CDH1: variants seen among roughly 807,000 people sequenced by gnomAD.
CDH1 encodes cadherin-1.
CDH1 carries 35 observed loss-of-function variants against 84.5 expected under a neutral mutation model. The ratio of observed to expected loss-of-function variants is 0.41; its 90% confidence interval spans 0.32 to 0.55. The LOEUF (loss-of-function observed/expected upper bound fraction) is 0.55, where lower values mean the gene tolerates loss of function less well. CDH1 is among the 20% of genes least tolerant of loss of function. The pLI, the probability that CDH1 is intolerant of heterozygous loss-of-function variation, is 0.19. For synonymous variants in CDH1, 417 were observed against 439.0 expected, an observed-to-expected ratio of 0.95 and a Z score of 0.63; for missense variants, 994 against 1,126.6, an observed-to-expected ratio of 0.88 and a Z score of 1.68.
At chr16:68,827,628 T>A (rs2152141079) in intron 13 of CDH1, among the ~76,000 whole-genome samples, 1 of 152,276 alleles carries the variant, frequency 6.6e-6, no homozygotes, top group East Asian at 1.9e-4. Flanking sequence ...CATAGCTGGT[T>A]ATGTATCAAT....
chr16:68,737,506 C>CA, intron 1 of CDH1, 43 bp downstream of exon 1: 1 of 1,498,976 alleles, frequency 6.7e-7, no homozygotes, highest in Middle Eastern at 2.3e-4. Context: ...ATTCGGGCCG[C>CA]AAGCTCCGCG....
chr16:68,751,952 A>ATT lies in CDH1; in HGVS notation c.163+13556_163+13557dup, dbSNP rs34163550. On this transcript the variant is annotated intron_variant, in intron 2 of 15. Transcript: ENST00000261769. ...ACCTGGCTAATTTTTGTATTTTTGT[A>ATT]TTTTTTTTTTTTTTTTGAGATGGAG... is the stretch of plus-strand genomic sequence containing the variant. Among the ~76,000 whole-genome samples, 14 of 125,738 alleles carry ATT rather than the reference A, an allele frequency of 1.1e-4. 1 individual carries two copies. Among genetic ancestry groups the ATT allele is most frequent in the African/African-American group, 3.9e-4 (13 of 33,006 alleles). The allele number at this position is 125,738 out of a possible 152,430, so 82.5% of individuals were successfully genotyped here. A position where few individuals can be genotyped will look rare whatever the true frequency, so the allele number is the denominator to read the frequency against.
intron 13 of CDH1, among the ~76,000 whole-genome samples, chr16:68,826,327 A>C (rs1961321790): frequency 6.6e-6 from 1 of 150,766 alleles, no homozygotes; most frequent in African/African-American, 2.4e-5. Flanking sequence ...TTCTTTCTTT[A>C]TTAGAGATGG....
chr16:68,816,294 G>A (rs1460467356), intron 10 of CDH1, among the ~76,000 whole-genome samples: 1 of 152,128 alleles, frequency 6.6e-6, no homozygotes, highest in Non-Finnish European at 1.5e-5. Context: ...TTACAGGCGT[G>A]AGCCACCGCA....
At chr16:68,767,018 C>T (rs1015219238) in intron 2 of CDH1, among the ~76,000 whole-genome samples, 1 of 151,788 alleles carries the variant, frequency 6.6e-6, no homozygotes, top group South Asian at 2.1e-4. Flanking sequence ...TGAGCCACTG[C>T]GCCCCGCCTA....
intron 2 of CDH1, among the ~76,000 whole-genome samples, chr16:68,784,514 G>A (rs1009661941): frequency 2.6e-5 from 4 of 151,940 alleles, no homozygotes; most frequent in African/African-American, 9.7e-5. Context: ...CCCTCCCTCT[G>A]GTCTCCTGCA....
Position 68,831,237 on chromosome 16 carries a change from C to T in CDH1, c.2439+1440C>T, listed in dbSNP as rs999255346. On this transcript the variant is annotated intron_variant, in intron 15 of 15. Transcript: ENST00000261769. ...GTGCCTACAGGCACCTGCCATCAAGCCTGGCTTTTTTTTTTTTTTTTAATT... is the reference window on the plus strand; with the variant it reads ...GTGCCTACAGGCACCTGCCATCAAGTCTGGCTTTTTTTTTTTTTTTTAATT... 1.3e-4 allele frequency among the ~76,000 whole-genome samples: 20 copies of T among 149,510 alleles called. 1 individual carries two copies. Among genetic ancestry groups the T allele is most frequent in the African/African-American group, 4.7e-4 (19 of 40,566 alleles).
intron 2 of CDH1, among the ~76,000 whole-genome samples, chr16:68,797,738 C>T (rs1025312617): frequency 2.0e-5 from 3 of 152,058 alleles, no homozygotes; most frequent in African/African-American, 7.2e-5. Flanking sequence ...CTAATTGAAG[C>T]TTAGTTGAGG....
At chr16:68,787,588 C>T (rs1021840024) in intron 2 of CDH1, among the ~76,000 whole-genome samples, 3 of 151,954 alleles carry the variant, frequency 2.0e-5, no homozygotes, top group Admixed American at 6.6e-5. Flanking sequence ...AAGTGATCCT[C>T]CCACCTCAGC....
At chr16:68,772,413 C>T (rs1370098316) in intron 2 of CDH1, among the ~76,000 whole-genome samples, 2 of 152,108 alleles carry the variant, frequency 1.3e-5, no homozygotes, top group Non-Finnish European at 2.9e-5. Flanking sequence ...AAGCCATAGA[C>T]CCATCAAGGA....
rs71268475 is a variant in CDH1 at position 68,758,809 on chromosome 16, A to ATTT, written c.163+20410_163+20412dup. 5.8e-4 allele frequency among the ~76,000 whole-genome samples: 82 copies of ATTT among 142,434 alleles called. 1 individual carries two copies. Among genetic ancestry groups the ATTT allele is most frequent in the Admixed American group, 9.2e-4 (13 of 14,172 alleles). The allele number at this position is 142,434 out of a possible 152,430, so 93.4% of individuals were successfully genotyped here. A position where few individuals can be genotyped will look rare whatever the true frequency, so the allele number is the denominator to read the frequency against. ...TTGACCCAACATCCATTTGAGTGCA[A>ATTT]TTTTTTTTTTTTTTGAGATGGAGTC... On this transcript the variant is annotated intron_variant, in intron 2 of 15. Transcript: ENST00000261769.
intron 15 of CDH1, among the ~76,000 whole-genome samples, chr16:68,832,544 G>T (rs183940656): frequency 1.3e-5 from 2 of 152,232 alleles, no homozygotes; most frequent in South Asian, 2.1e-4. Context: ...AAAAGGCCGG[G>T]TGCAGTGGCT....
chr16:68,750,120 A>G (rs1223001230), intron 2 of CDH1, among the ~76,000 whole-genome samples: 1 of 121,392 alleles, frequency 8.2e-6, no homozygotes, highest in Non-Finnish European at 1.7e-5. Flanking sequence ...CCTGCCTCTC[A>G]CTAATTTTGA....
chr16:68,823,415 T>G lies in CDH1; in HGVS notation c.1953T>G (p.Ile651Met), dbSNP rs1555517083. ...TTTCTCCAGCCCAAGAATCTATCAT[T>G]TTGAAGCCAAAGATGGCCTTAGAGG... ...QYNDPTQESI[I>M]LKPKMALEVG... Residue 651 changes from isoleucine (I) to methionine (M), a missense_variant, in exon 13 of 16, where the codon ATT becomes ATG. This residue lies in a region of CDH1 where 769 missense variants were observed against 881.8 expected (regional missense o/e 0.87). Coordinates refer to ENST00000261769, the MANE Select transcript of CDH1 (RefSeq NM_004360.5). 6.2e-7 allele frequency: 1 copy of G among 1,612,932 alleles called. No individual in the cohort carries two copies. The highest frequency in any genetic ancestry group is 1.7e-5 in the Admixed American group (1 of 59,994).
intron 2 of CDH1, among the ~76,000 whole-genome samples, chr16:68,782,875 GA>G (rs959257411): frequency 6.6e-6 from 1 of 151,486 alleles, no homozygotes; most frequent in Non-Finnish European, 1.5e-5. Context: ...ATGACTCTTG[GA>G]AAAAAAACAG....
chr16:68,751,638 G>C (rs1198981385), intron 2 of CDH1, among the ~76,000 whole-genome samples: 1 of 151,778 alleles, frequency 6.6e-6, no homozygotes, highest in African/African-American at 2.4e-5. Context: ...GAGTAGCTGG[G>C]GTTAGAGGCA....
At chr16:68,812,932 C>T (rs1164156783) in intron 8 of CDH1, among the ~76,000 whole-genome samples, 3 of 152,144 alleles carry the variant, frequency 2.0e-5, no homozygotes, top group Admixed American at 6.6e-5. Flanking sequence ...CCCAGCTACT[C>T]GGGCATCTGA....
chr16:68,756,344 G>A (rs1963018836), intron 2 of CDH1, among the ~76,000 whole-genome samples: 1 of 152,094 alleles, frequency 6.6e-6, no homozygotes, highest in South Asian at 2.1e-4. Context: ...TAAGCAGTGA[G>A]GCAAACACCT....
intron 2 of CDH1, among the ~76,000 whole-genome samples, chr16:68,758,610 A>C (rs62057845): frequency 7.1e-6 from 1 of 141,194 alleles, no homozygotes; most frequent in African/African-American, 2.7e-5. Context: ...AAAAAAACAA[A>C]TTAGTTTTTC....
Sources: allele counts gnomAD v4.1 joint callset (sites outside exome capture counted in the v4.1 genomes callset), GRCh38; gene constraint gnomAD v4.1.1; regional missense constraint gnomAD v4.1.1; transcripts MANE v1.5; gene names NCBI Gene and HGNC (gene_info 2026-07-23, HGNC 2026-07-21).